The following FRG1 variants were observed in gnomAD, a reference collection of about 807,000 sequenced individuals.
FRG1 encodes the protein FSHD region gene 1.
A neutral mutation model predicts 37.0 loss-of-function variants in FRG1; 19 were observed. The ratio of observed to expected loss-of-function variants is 0.51; its 90% CI spans 0.36 to 0.75. FRG1 has a LOEUF of 0.75. FRG1 is among the 30% of genes least tolerant of loss of function. The pLI is 0.00. For missense variants in FRG1, 243 were observed against 301.4 expected (o/e 0.81, Z 1.44); for synonymous variants, 73 against 96.5 (o/e 0.76, Z 1.43).
chr4:189,952,818 A>C (rs1243700171), intron 3 of FRG1, among the ~76,000 whole-genome samples: 2 of 152,244 alleles, frequency 1.3e-5, no homozygotes, highest in African/African-American at 2.4e-5. Flanking sequence ...CATAAAGAGA[A>C]GCTATCTCAA....
rs542648111 is a variant in FRG1, at chr4:189,961,807, A to G, written c.630-15A>G. On this transcript the variant is annotated splice_polypyrimidine_tract_variant and intron_variant, in intron 7 of 8. Transcript: ENST00000226798. ...GAGTTTGAGGTATTTTTCAATGAAG[A>G]CATTTTCTTTACAGAAAGAAATTTC... 2.1e-5 allele frequency: 22 copies of G among 1,042,282 alleles called. No homozygotes were observed. The South Asian group carries it at 3.0e-4, about 14-fold the overall frequency. 64.6% of individuals were successfully genotyped at this position (1,042,282 alleles called of 1,614,324 possible).
Position 189,941,085 on chromosome 4 carries a change from C to G in FRG1, c.62+14C>G, listed in dbSNP as rs1231738066. 1 of 1,611,880 alleles carries G rather than the reference C, an allele frequency of 6.2e-7. No homozygotes were observed. The highest frequency in any genetic ancestry group is 1.7e-5 in the Admixed American group (1 of 60,024). On this transcript the variant is annotated intron_variant, in intron 1 of 8. Coordinates refer to ENST00000226798, the MANE Select transcript of FRG1 (RefSeq NM_004477.3). ...CAAGACGAAGAGGTGGGTCCTGCAG[C>G]TTGGGCGGGAGCCTCCTCCGTTCTT...
rs375252887 is a variant in FRG1 at position 189,950,938 on chromosome 4, A to G, written c.134-1224A>G. ...TTTGTTCTTTATTTTTATATATTAT[A>G]CTATGTCATTATCAGACCTTGTAAA... On this transcript the variant is annotated intron_variant, in intron 2 of 8. Coordinates refer to ENST00000226798, the MANE Select transcript of FRG1 (RefSeq NM_004477.3). Among the ~76,000 whole-genome samples, 107 of 152,270 alleles carry G rather than the reference A, an allele frequency of 7.0e-4. No homozygotes were observed. The South Asian group carries it at 0.021, about 30-fold the overall frequency.
At position 189,940,885 on chromosome 4, in the gene FRG1, A is replaced by T; in HGVS notation, c.-125A>T. On this transcript the variant is annotated 5_prime_UTR_variant, in exon 1 of 9. Transcript: ENST00000226798. Reference sequence around the variant, plus strand: ...GAAGACGGAGGCGGGTTCTACAGAGACGTAGGCTGTCAGGGAGTGTTTATT... The same window carrying T: ...GAAGACGGAGGCGGGTTCTACAGAGTCGTAGGCTGTCAGGGAGTGTTTATT... The T allele has an allele frequency of 3.0e-6, 2 of 677,524 alleles. No homozygotes were observed. Among genetic ancestry groups the T allele is most frequent in the Non-Finnish European group, 2.6e-6 (1 of 384,268 alleles). The allele number at this position is 677,524 out of a possible 1,614,324, so 42.0% of individuals were successfully genotyped here.
chr4:189,948,001 G>C (rs1249887410), intron 2 of FRG1, among the ~76,000 whole-genome samples: 8 of 152,160 alleles, frequency 5.3e-5, no homozygotes, highest in Non-Finnish European at 8.8e-5. Context: ...TCTGAAAACA[G>C]TTTTCTCAAA....
intron 2 of FRG1, among the ~76,000 whole-genome samples, chr4:189,946,861 GT>G (rs548666746): frequency 6.6e-6 from 1 of 151,520 alleles, no homozygotes; most frequent in Non-Finnish European, 1.5e-5. Flanking sequence ...TTGTTTGTTT[GT>G]TTTTTTGGAG....
chr4:189,961,137 T>C (rs571255120), intron 7 of FRG1: 2 of 211,330 alleles, frequency 9.5e-6, no homozygotes, highest in Admixed American at 5.3e-5. Flanking sequence ...AGCTAAATGC[T>C]TTTCTTTTCT....
At chr4:189,954,835 A>G (rs1219235480) in intron 4 of FRG1, among the ~76,000 whole-genome samples, 2 of 152,012 alleles carry the variant, frequency 1.3e-5, no homozygotes, top group Admixed American at 6.5e-5. Flanking sequence ...GCCTCAAGCA[A>G]TTCTCCCGTT....
chr4:189,953,071 A>T lies in FRG1; in HGVS notation c.263A>T (p.Asp88Val), dbSNP rs769540032. ...FTLGAPHKEVDEGPSPPEQFT... is the reference protein window; with the variant it reads ...FTLGAPHKEVVEGPSPPEQFT... Reference sequence around the variant, plus strand: ...TCAAATGTTTTTTCTCCAATAGTTGATGAGGGCCCTAGTCCTCCAGAGCAG... The same window carrying T: ...TCAAATGTTTTTTCTCCAATAGTTGTTGAGGGCCCTAGTCCTCCAGAGCAG... The change falls in exon 4 of 9, where the codon GAT becomes GTT. Residue 88 changes from aspartate to valine, a missense_variant. Transcript: ENST00000226798. 8 of 1,580,504 alleles carry T rather than the reference A, an allele frequency of 5.1e-6. No homozygotes were observed. In the South Asian group the frequency reaches 7.1e-5, roughly 14 times the overall value.
At chr4:189,953,269 G>T in intron 4 of FRG1, 144 bp downstream of exon 4, 1 of 1,296,830 alleles carries the variant, frequency 7.7e-7, no homozygotes, top group Non-Finnish European at 1.0e-6. Flanking sequence ...TAGATTTTGT[G>T]ATCTACTTTT....
At chr4:189,950,306 C>A (rs113034067) in intron 2 of FRG1, among the ~76,000 whole-genome samples, 1 of 136,320 alleles carries the variant, frequency 7.3e-6, no homozygotes, top group African/African-American at 2.8e-5. Context: ...AATATTTTCT[C>A]CATTCCCTGG....
At chr4:189,943,828 G>T (rs1736417105) in intron 2 of FRG1, among the ~76,000 whole-genome samples, 1 of 152,070 alleles carries the variant, frequency 6.6e-6, no homozygotes, top group African/African-American at 2.4e-5. Flanking sequence ...TTGGCAAGTT[G>T]CATTTTGAAT....
At chr4:189,948,118 G>T (rs2037947) in intron 2 of FRG1, among the ~76,000 whole-genome samples, 44,063 of 151,618 alleles carry the variant, frequency 0.29, 6,504 homozygotes, top group Middle Eastern at 0.43. Context: ...CCTTCCACAT[G>T]GTTTTGCATT....
chr4:189,962,640 C>T (rs879308342), intron 8 of FRG1, among the ~76,000 whole-genome samples: 3 of 151,994 alleles, frequency 2.0e-5, no homozygotes, highest in African/African-American at 4.8e-5. Context: ...TACCTAAAGT[C>T]AGTAAATAAT....
chr4:189,941,778 T>C, intron 1 of FRG1: 3 of 343,038 alleles, frequency 8.7e-6, no homozygotes, highest in South Asian at 6.5e-5. Context: ...ATTTATTAGC[T>C]TTTTAGGAAA....
chr4:189,955,680 TAGTA>T (rs1426104486), intron 5 of FRG1, among the ~76,000 whole-genome samples: 1 of 151,750 alleles, frequency 6.6e-6, no homozygotes, highest in Non-Finnish European at 1.5e-5. Context: ...TTCTTAATTT[TAGTA>T]AGTAGACAGT....
rs1345915527 is a variant in FRG1 at position 189,943,237 on chromosome 4, G to C, written c.98G>C (p.Arg33Thr). ...AAGAGCAAAGATAAGAAAAGAAAAA[G>C]AGAAGAAGATGAAGAAACCCAGCTT... ...KKKSKDKKRK[R>T]EEDEETQLDI... Residue 33 changes from arginine (R) to threonine (T), a missense_variant, in exon 2 of 9, where the codon AGA becomes ACA. Physicochemically the swap from Arg to Thr is moderately conservative, Grantham distance 71. Coordinates refer to ENST00000226798, the MANE Select transcript of FRG1 (RefSeq NM_004477.3). 2.5e-6 allele frequency: 4 copies of C among 1,608,390 alleles called. No homozygotes were observed. Among genetic ancestry groups the C allele is most frequent in the South Asian group, 1.1e-5 (1 of 89,834 alleles).
chr4:189,959,810 T>C (rs1187021196), intron 6 of FRG1: 2 of 864,854 alleles, frequency 2.3e-6, no homozygotes, highest in Non-Finnish European at 2.8e-6. Context: ...GAACAGTGAT[T>C]ATTTAGGACT....
chr4:189,943,183 T>C lies in FRG1; in HGVS notation c.63-19T>C, dbSNP rs1435995588. Reference sequence around the variant, plus strand: ...AAATCAATATACCTAAACTCGTCTATATAAATTATGTCCTGTAGTAAGAAG... The same window carrying C: ...AAATCAATATACCTAAACTCGTCTACATAAATTATGTCCTGTAGTAAGAAG... On this transcript the variant is annotated intron_variant, in intron 1 of 8. Coordinates refer to ENST00000226798, the MANE Select transcript of FRG1 (RefSeq NM_004477.3). 3.2e-6 allele frequency: 5 copies of C among 1,560,212 alleles called. No homozygotes were observed. In the South Asian group the frequency reaches 4.7e-5, roughly 15 times the overall value.
Sources: allele counts gnomAD v4.1 joint callset (sites outside exome capture counted in the v4.1 genomes callset), GRCh38; gene constraint gnomAD v4.1.1; transcripts MANE v1.5; gene names NCBI Gene and HGNC (gene_info 2026-07-23, HGNC 2026-07-21).